The following MACROD2 variants were observed in gnomAD, a reference collection of about 807,000 sequenced individuals.
MACROD2 encodes mono-ADP ribosylhydrolase 2.
A neutral mutation model predicts 70.4 loss-of-function variants in MACROD2; 36 were observed. The ratio of observed to expected loss-of-function variants is 0.51; its 90% CI spans 0.39 to 0.68. The LOEUF (loss-of-function observed/expected upper bound fraction) is 0.68. Among genes scored for constraint, MACROD2 ranks in the 30% least tolerant of loss-of-function variants. MACROD2 has a pLI of 0.00. For missense variants in MACROD2, 496 were observed against 538.4 expected (o/e 0.92, Z 0.78); for synonymous variants, 172 against 178.8 (o/e 0.96, Z 0.30).
chr20:14,703,874 A>T (rs1255661564), intron 5 of MACROD2, among the ~76,000 whole-genome samples: 1 of 151,710 alleles, frequency 6.6e-6, no homozygotes, highest in African/African-American at 2.4e-5. Flanking sequence ...CTACTGGCGC[A>T]CACTACCACA....
chr20:14,478,405 T>C (rs990972027), intron 3 of MACROD2, among the ~76,000 whole-genome samples: 19 of 152,338 alleles, frequency 1.2e-4, no homozygotes, highest in African/African-American at 4.6e-4. Flanking sequence ...CTATCTGCTG[T>C]CATTTGAATT....
intron 5 of MACROD2, chr20:15,023,001 T>C (rs567609210): frequency 6.6e-6 from 1 of 152,098 alleles, no homozygotes; most frequent in Admixed American, 6.6e-5. Context: ...TCTGTAGTTT[T>C]TTCTTTTCCA....
intron 3 of MACROD2, among the ~76,000 whole-genome samples, chr20:14,446,123 G>A (rs550537397): frequency 6.6e-6 from 1 of 152,166 alleles, no homozygotes; most frequent in African/African-American, 2.4e-5. Flanking sequence ...GACCCATCCA[G>A]AGTCTCTACC....
At chr20:14,362,663 G>A (rs904859059) in intron 3 of MACROD2, among the ~76,000 whole-genome samples, 1 of 152,060 alleles carries the variant, frequency 6.6e-6, no homozygotes, top group African/African-American at 2.4e-5. Context: ...GATCTCTTGG[G>A]CTAGAGGAAA....
intron 4 of MACROD2, among the ~76,000 whole-genome samples, chr20:14,554,780 TA>T (rs140677773): frequency 1.0e-3 from 154 of 152,254 alleles, no homozygotes; most frequent in African/African-American, 3.4e-3. Context: ...AGAATTAAAA[TA>T]AAAGTTCTTA....
intron 8 of MACROD2, among the ~76,000 whole-genome samples, chr20:15,511,252 T>G (rs1375589261): frequency 1.3e-5 from 2 of 152,236 alleles, no homozygotes; most frequent in Admixed American, 6.5e-5. Context: ...AATGATATCA[T>G]TTAAGTTTCA....
intron 12 of MACROD2, among the ~76,000 whole-genome samples, chr20:15,945,781 G>C (rs758168183): frequency 2.7e-4 from 41 of 152,176 alleles, no homozygotes; most frequent in Non-Finnish European, 5.3e-4. Flanking sequence ...TTTCCCAAAA[G>C]CTAGAACCAG....
Position 15,082,671 on chromosome 20 carries a change from G to C in MACROD2, c.419-147269G>C, listed in dbSNP as rs407021. Among the ~76,000 whole-genome samples the C allele has an allele frequency of 2.2e-3, 336 of 151,788 alleles. 1 individual carries two copies. Among genetic ancestry groups the C allele is most frequent in the Non-Finnish European group, 3.8e-3 (257 of 67,944 alleles). ...TTGGGAATTAGACTTCAATAGTCTT[G>C]TGATTCACCCTTTTGAAATTAATGA... On this transcript the variant is annotated intron_variant, in intron 5 of 17. Transcript: ENST00000684519.
chr20:15,636,387 G>A (rs2049369833), intron 8 of MACROD2, among the ~76,000 whole-genome samples: 1 of 152,094 alleles, frequency 6.6e-6, no homozygotes, highest in African/African-American at 2.4e-5. Context: ...GGTAATACTT[G>A]GGATGCATAG....
chr20:15,096,550 C>T (rs1241434839), intron 5 of MACROD2, among the ~76,000 whole-genome samples: 8 of 145,916 alleles, frequency 5.5e-5, no homozygotes, highest in African/African-American at 2.0e-4. Context: ...CTCACTCTGT[C>T]GCCCAGGCTG....
chr20:15,403,870 T>G (rs144018758), intron 6 of MACROD2, among the ~76,000 whole-genome samples: 1 of 152,174 alleles, frequency 6.6e-6, no homozygotes, highest in African/African-American at 2.4e-5. Flanking sequence ...TCAACCGTTA[T>G]GGGAGAAAAT....
intron 8 of MACROD2, among the ~76,000 whole-genome samples, chr20:15,542,866 C>T (rs971579453): frequency 2.0e-4 from 30 of 152,056 alleles, no homozygotes; most frequent in Admixed American, 3.9e-4. Flanking sequence ...TTGGAGATCA[C>T]GTGACATCCT....
intron 5 of MACROD2, among the ~76,000 whole-genome samples, chr20:14,992,449 A>C (rs1412576164): frequency 6.6e-6 from 1 of 152,182 alleles, no homozygotes; most frequent in South Asian, 2.1e-4. Context: ...TTGTTTTTGC[A>C]TATGGTTCAA....
intron 5 of MACROD2, among the ~76,000 whole-genome samples, chr20:14,865,321 A>G (rs1303469297): frequency 1.3e-5 from 2 of 151,432 alleles, no homozygotes; most frequent in Non-Finnish European, 2.9e-5. Context: ...TGGTGATGCT[A>G]CCTCTTCTGT....
chr20:14,002,464 C>A, intron 2 of MACROD2, 60 bp downstream of exon 2: 1 of 981,568 alleles, frequency 1.0e-6, no homozygotes, highest in Non-Finnish European at 1.6e-6. Context: ...CAATTGTTGA[C>A]AGAAATGAAT....
intron 6 of MACROD2, among the ~76,000 whole-genome samples, chr20:15,370,976 G>A (rs1475877521): frequency 6.6e-6 from 1 of 152,074 alleles, no homozygotes; most frequent in East Asian, 1.9e-4. Context: ...AATACAGTGA[G>A]GTTTTTGTTA....
In MACROD2 at chr20:14,935,717, A is replaced by G. The variant is rs2030668439; in HGVS notation, c.418+250758A>G. On this transcript the variant is annotated intron_variant, in intron 5 of 17. Coordinates refer to ENST00000684519, the MANE Select transcript of MACROD2 (RefSeq NM_001351661.2). ...CTCCTTCTGGAATCCTCTCACTACC[A>G]CAGTGAACTGCTATCATTGAAGGGA... Among the ~76,000 whole-genome samples the G allele has an allele frequency of 2.6e-5, 4 of 152,234 alleles. 1 individual carries two copies. The South Asian group carries it at 8.3e-4, about 32-fold the overall frequency.
At chr20:14,280,095 A>C (rs564303047) in intron 3 of MACROD2, among the ~76,000 whole-genome samples, 1 of 152,192 alleles carries the variant, frequency 6.6e-6, no homozygotes, top group Non-Finnish European at 1.5e-5. Context: ...AGAATATTCT[A>C]TGATATCTTT....
At chr20:14,593,089 G>A (rs1016744563) in intron 4 of MACROD2, among the ~76,000 whole-genome samples, 4 of 152,076 alleles carry the variant, frequency 2.6e-5, no homozygotes, top group East Asian at 1.9e-4. Context: ...GATGTTATAC[G>A]AAACTGTATT....
Sources: allele counts gnomAD v4.1 joint callset (sites outside exome capture counted in the v4.1 genomes callset), GRCh38; gene constraint gnomAD v4.1.1; transcripts MANE v1.5; gene names NCBI Gene and HGNC (gene_info 2026-07-23, HGNC 2026-07-21).